GAS7: variants seen among roughly 807,000 people sequenced by gnomAD.
GAS7 encodes growth arrest specific 7.
GAS7 carries 28 observed loss-of-function variants against 71.1 expected under a neutral mutation model. The observed-to-expected ratio is 0.39, with a 90% CI of 0.29 to 0.54. GAS7 has a LOEUF of 0.54. Among genes scored for constraint, GAS7 ranks in the 20% least tolerant of loss-of-function variants. The pLI is 0.62. For missense variants in GAS7, 436 were observed against 627.8 expected (o/e 0.69, Z 3.27); for synonymous variants, 258 against 245.8 (o/e 1.05, Z -0.46).
chr17:9,991,569 C>A (rs2152143089), intron 2 of GAS7, among the ~76,000 whole-genome samples: 1 of 152,192 alleles, frequency 6.6e-6, no homozygotes, highest in East Asian at 1.9e-4. Flanking sequence ...GCCAGGAATC[C>A]AGGAATAGCC....
chr17:9,975,346 A>ACT (rs3073999), intron 3 of GAS7, among the ~76,000 whole-genome samples: 69,436 of 151,644 alleles, frequency 0.46, 17,419 homozygotes, highest in African/African-American at 0.67. Flanking sequence ...CAAGTGCGAA[A>ACT]CTGTCTCCAA....
rs568175665 is a variant in GAS7 at position 10,137,819 on chromosome 17, G to T, written c.183+60389C>A. The stretch of plus-strand genomic sequence containing the variant: ...GCCTCCCAAAGTGCTGGGATTACAA[G>T]CGTGAGCTACCGCGCCAGACCACAT... On this transcript the variant is annotated intron_variant, in intron 1 of 13. Transcript: ENST00000432992. Among the ~76,000 whole-genome samples the T allele has an allele frequency of 7.9e-5, 12 of 152,246 alleles. No individual in the cohort carries two copies. The South Asian group carries it at 2.5e-3, about 32-fold the overall frequency.
chr17:10,051,851 G>A (rs2073066870), intron 1 of GAS7, among the ~76,000 whole-genome samples: 1 of 152,104 alleles, frequency 6.6e-6, no homozygotes, highest in Admixed American at 6.5e-5. Context: ...AACGGGTTAA[G>A]TTTCCCTTTT....
chr17:9,934,937 T>C lies in GAS7; in HGVS notation c.807-693A>G, dbSNP rs1029015233. 4.6e-5 allele frequency among the ~76,000 whole-genome samples: 7 copies of C among 152,164 alleles called. No individual in the cohort carries two copies. The South Asian group carries it at 6.2e-4, about 14-fold the overall frequency. On this transcript the variant is annotated intron_variant, in intron 8 of 13. Transcript: ENST00000432992. ...TTTTAGTAGAGACGGGGTTTTGCCA[T>C]GTTGGCCAGGCCGGTCTCGAACTCC...
At chr17:9,960,627 C>T (rs1005319902) in intron 4 of GAS7, among the ~76,000 whole-genome samples, 11 of 152,228 alleles carry the variant, frequency 7.2e-5, no homozygotes, top group Non-Finnish European at 5.9e-5. Flanking sequence ...CAGGCCAGCA[C>T]GACCCTGGAC....
Position 9,969,559 on chromosome 17 carries a change from C to G in GAS7, c.471+118G>C, listed in dbSNP as rs533879948. On this transcript the variant is annotated intron_variant, in intron 4 of 13. Transcript: ENST00000432992. This position sits in a 1 kb window ranked among gnomAD's most constrained non-coding sequence, Gnocchi z 5.5. ...ACAACCCAGACACAGCAACCACTTT[C>G]TACCTGGGGGCAGAACTGGGCTGCA... 5.5e-5 allele frequency: 37 copies of G among 668,506 alleles called. No individual in the cohort carries two copies. Among genetic ancestry groups the G allele is most frequent in the Non-Finnish European group, 9.9e-5 (36 of 364,456 alleles). The allele number at this position is 668,506 out of a possible 1,614,324, so 41.4% of individuals were successfully genotyped here.
At chr17:10,051,504 T>C (rs1473117303) in intron 1 of GAS7, among the ~76,000 whole-genome samples, 1 of 152,192 alleles carries the variant, frequency 6.6e-6, no homozygotes, top group Admixed American at 6.5e-5. Context: ...GTTTCTTGGC[T>C]CGCATGGACT....
intron 1 of GAS7, among the ~76,000 whole-genome samples, chr17:10,070,756 G>A (rs187593254): frequency 7.2e-5 from 11 of 151,882 alleles, no homozygotes; most frequent in South Asian, 2.1e-4. Flanking sequence ...CAAAGATGCC[G>A]TCCCTCCTGC....
chr17:10,056,445 T>C (rs947221159), intron 1 of GAS7, among the ~76,000 whole-genome samples: 4 of 152,008 alleles, frequency 2.6e-5, no homozygotes, highest in African/African-American at 9.7e-5. Flanking sequence ...CAATGAACTA[T>C]GAGCATGCCA....
chr17:10,153,458 G>A (rs1322811099), intron 1 of GAS7, among the ~76,000 whole-genome samples: 1 of 149,242 alleles, frequency 6.7e-6, no homozygotes, highest in African/African-American at 2.5e-5. Context: ...ACAGGTTGCA[G>A]TGAGCTGAGA....
intron 1 of GAS7, among the ~76,000 whole-genome samples, chr17:10,038,959 T>C (rs1010102659): frequency 3.3e-4 from 50 of 152,064 alleles, no homozygotes; most frequent in African/African-American, 1.2e-3. Context: ...ACAAATACCA[T>C]TTGCTTCACT....
chr17:10,023,189 G>A (rs1010747694), intron 1 of GAS7, among the ~76,000 whole-genome samples: 1 of 152,228 alleles, frequency 6.6e-6, no homozygotes, highest in Non-Finnish European at 1.5e-5. Context: ...GGCTGATGTG[G>A]CAAAGATGGT....
At chr17:9,987,375 T>A (rs1459465905) in intron 2 of GAS7, among the ~76,000 whole-genome samples, 1 of 152,248 alleles carries the variant, frequency 6.6e-6, no homozygotes, top group Non-Finnish European at 1.5e-5. Context: ...CAGAGAGCCA[T>A]ATACTGGCCA....
At chr17:10,047,724 A>G (rs1000933660) in intron 1 of GAS7, among the ~76,000 whole-genome samples, 2 of 152,214 alleles carry the variant, frequency 1.3e-5, no homozygotes, top group African/African-American at 4.8e-5. Context: ...AAGATAGTGG[A>G]CGAGGTGAGG....
chr17:9,916,297 AAGGTGCAC>A lies in GAS7; in HGVS notation c.*923_*930del, dbSNP rs1295586319. On this transcript the variant is annotated 3_prime_UTR_variant, in exon 14 of 14. Transcript: ENST00000432992. Reference sequence around the variant, plus strand: ...GGAGAGTGGGGGCCAGGGCAGCCCAAAGGTGCACAGGGCACCGTGGCGGACAGGCCCCA... The same window carrying A: ...GGAGAGTGGGGGCCAGGGCAGCCCAAAGGGCACCGTGGCGGACAGGCCCCA... 3 of 233,174 alleles carry A rather than the reference AAGGTGCAC, an allele frequency of 1.3e-5. No individual in the cohort carries two copies. Among genetic ancestry groups the A allele is most frequent in the Non-Finnish European group, 2.5e-5 (3 of 118,088 alleles). The allele number at this position is 233,174 out of a possible 1,614,324, so 14.4% of individuals were successfully genotyped here.
chr17:10,008,905 T>G (rs369977911), intron 2 of GAS7, among the ~76,000 whole-genome samples: 34 of 152,308 alleles, frequency 2.2e-4, no homozygotes, highest in African/African-American at 7.2e-4. Flanking sequence ...AAAATAGATG[T>G]ATGTTTTTGG....
intron 1 of GAS7, among the ~76,000 whole-genome samples, chr17:10,167,073 T>TTTTTTTTTTTTTTC (rs138918612): frequency 8.6e-6 from 1 of 116,008 alleles, no homozygotes; most frequent in Non-Finnish European, 1.8e-5. Flanking sequence ...TTTTTTTTTT[T>TTTTTTTTTTTTTTC]TGAGACAGAG....
At chr17:10,016,562 C>T (rs1415214352) in intron 2 of GAS7, among the ~76,000 whole-genome samples, 1 of 125,320 alleles carries the variant, frequency 8.0e-6, no homozygotes, top group Non-Finnish European at 1.6e-5. Flanking sequence ...GCCAGAAGTT[C>T]GGGATCAGCC....
chr17:9,951,176 A>G (rs1029171723), intron 5 of GAS7, among the ~76,000 whole-genome samples: 6 of 152,226 alleles, frequency 3.9e-5, no homozygotes, highest in African/African-American at 7.2e-5. Flanking sequence ...TTGTATTCCA[A>G]TTATTCTTAT....
Sources: allele counts gnomAD v4.1 joint callset (sites outside exome capture counted in the v4.1 genomes callset), GRCh38; gene constraint gnomAD v4.1.1; non-coding constraint Gnocchi (gnomAD v3.1); transcripts MANE v1.5; gene names NCBI Gene and HGNC (gene_info 2026-07-23, HGNC 2026-07-21).